ATE1: variants seen among roughly 807,000 people sequenced by gnomAD.
ATE1 encodes arginyl-tRNA--protein transferase 1.
Under a neutral mutation model 70.5 loss-of-function variants are expected in ATE1, and 36 were observed. The observed-to-expected ratio is 0.51, with a 90% CI of 0.39 to 0.67. The LOEUF (loss-of-function observed/expected upper bound fraction) is 0.67, where lower values mean the gene tolerates loss of function less well. Among genes scored for constraint, ATE1 ranks in the 30% least tolerant of loss-of-function variants. ATE1 has a pLI of 0.00. For synonymous variants in ATE1, 232 were observed against 219.3 expected, an observed-to-expected ratio of 1.06 and a Z score of -0.51; for missense variants, 593 against 629.5, an observed-to-expected ratio of 0.94 and a Z score of 0.62.
intron 11 of ATE1, among the ~76,000 whole-genome samples, chr10:121,786,468 A>G (rs2133235149): frequency 6.6e-6 from 1 of 152,190 alleles, no homozygotes; most frequent in African/African-American, 2.4e-5. Context: ...CAGGAGTTCA[A>G]GACAAGCCTA....
At chr10:121,787,441 T>A (rs1349291774) in intron 11 of ATE1, among the ~76,000 whole-genome samples, 1 of 152,216 alleles carries the variant, frequency 6.6e-6, no homozygotes, top group Admixed American at 6.5e-5. Context: ...TGCATTTTAA[T>A]TTCCTAAAAC....
intron 7 of ATE1, among the ~76,000 whole-genome samples, chr10:121,887,335 T>G (rs1396051900): frequency 1.3e-5 from 2 of 152,192 alleles, no homozygotes; most frequent in African/African-American, 4.8e-5. Context: ...ATAAGATAAC[T>G]ATCCTCAAAA....
In ATE1 at chr10:121,870,091, A is replaced by T. The variant is rs191693133; in HGVS notation, c.943-53T>A. ...TTCATCCAGTAAACAGACGGCAAAA[A>T]GGAACACAGAGAAAAAGAAAAAATT... is the stretch of plus-strand genomic sequence containing the variant. On this transcript the variant is annotated intron_variant, in intron 7 of 11. Coordinates refer to ENST00000224652, the MANE Select transcript of ATE1 (RefSeq NM_001001976.3). The T allele has an allele frequency of 6.5e-6, 10 of 1,537,022 alleles. No individual in the cohort carries two copies. In the East Asian group the frequency reaches 2.3e-4, roughly 35 times the overall value.
intron 7 of ATE1, among the ~76,000 whole-genome samples, chr10:121,898,612 T>A (rs1157160541): frequency 1.3e-5 from 2 of 152,162 alleles, no homozygotes; most frequent in Non-Finnish European, 2.9e-5. Context: ...ACTGACCTTA[T>A]AAACCACTAC....
chr10:121,863,530 C>T (rs1486345186), intron 8 of ATE1, among the ~76,000 whole-genome samples: 1 of 152,084 alleles, frequency 6.6e-6, no homozygotes, highest in African/African-American at 2.4e-5. Flanking sequence ...GGATTACAGG[C>T]GTGAGCCACA....
chr10:121,776,484 G>A (rs1945747934), intron 11 of ATE1, among the ~76,000 whole-genome samples: 1 of 152,180 alleles, frequency 6.6e-6, no homozygotes, highest in Admixed American at 6.5e-5. Context: ...AGCAATCACT[G>A]CTACCACTGC....
At position 121,744,516 on chromosome 10, in the gene ATE1, T is replaced by C. The variant is rs945585609; in HGVS notation, c.1379-658A>G. ...TCTCCGGCATCATTCCTGCATCTGA[T>C]TTAAGTCTGTTTTGCCTCTCCCTGT... On this transcript the variant is annotated intron_variant, in intron 11 of 11. Coordinates refer to ENST00000224652, the MANE Select transcript of ATE1 (RefSeq NM_001001976.3). Among the ~76,000 whole-genome samples the C allele has an allele frequency of 7.2e-5, 11 of 152,134 alleles. 1 individual carries two copies. The highest frequency in any genetic ancestry group is 2.7e-4 in the African/African-American group (11 of 41,424).
intron 7 of ATE1, among the ~76,000 whole-genome samples, chr10:121,876,700 C>T: frequency 6.6e-6 from 1 of 152,194 alleles, no homozygotes; most frequent in Non-Finnish European, 1.5e-5. Flanking sequence ...GGCGCGGTGG[C>T]TCACGCCTGT....
intron 11 of ATE1, among the ~76,000 whole-genome samples, chr10:121,757,404 T>G (rs1350574883): frequency 6.6e-6 from 1 of 152,228 alleles, no homozygotes; most frequent in Non-Finnish European, 1.5e-5. Context: ...CCAAAGTTGC[T>G]TCCACATTTT....
At chr10:121,748,962 C>A (rs904944397) in intron 11 of ATE1, among the ~76,000 whole-genome samples, 1 of 152,002 alleles carries the variant, frequency 6.6e-6, no homozygotes, top group African/African-American at 2.4e-5. Flanking sequence ...CTATCACCAA[C>A]ACACAGACTA....
intron 7 of ATE1, among the ~76,000 whole-genome samples, chr10:121,870,443 T>C (rs1554917297): frequency 4.0e-5 from 6 of 151,868 alleles, no homozygotes; most frequent in Non-Finnish European, 7.4e-5. Context: ...TATAAACCAA[T>C]GAGGAGACCA....
At chr10:121,927,778 G>A in intron 1 of ATE1, 66 bp downstream of exon 1, 1 of 1,500,292 alleles carries the variant, frequency 6.7e-7, no homozygotes, top group Non-Finnish European at 8.9e-7. Context: ...CGTCCTCGCT[G>A]GGGGACCCTG....
intron 8 of ATE1, among the ~76,000 whole-genome samples, chr10:121,862,899 G>A (rs1949526072): frequency 6.6e-6 from 1 of 151,784 alleles, no homozygotes; most frequent in African/African-American, 2.4e-5. Flanking sequence ...CCCCTTTCTA[G>A]AGATTTCTGA....
chr10:121,752,464 C>T (rs879730493), intron 11 of ATE1, among the ~76,000 whole-genome samples: 6 of 151,992 alleles, frequency 3.9e-5, no homozygotes, highest in Admixed American at 2.6e-4. Flanking sequence ...CTCCTGACCT[C>T]GTGATCTGCC....
intron 7 of ATE1, among the ~76,000 whole-genome samples, chr10:121,874,210 G>A (rs11200204): frequency 0.045 from 6,868 of 152,082 alleles, 210 homozygotes; most frequent in Admixed American, 0.078. Context: ...AGTCAGTTAC[G>A]ACTCTAAATT....
intron 7 of ATE1, among the ~76,000 whole-genome samples, chr10:121,884,807 A>G (rs1394197511): frequency 3.9e-5 from 6 of 152,194 alleles, no homozygotes; most frequent in African/African-American, 1.2e-4. Context: ...CTTTACTACT[A>G]TTAGTAATAA....
At chr10:121,824,373 C>T (rs1053170135) in intron 10 of ATE1, among the ~76,000 whole-genome samples, 4 of 152,144 alleles carry the variant, frequency 2.6e-5, no homozygotes, top group Non-Finnish European at 5.9e-5. Flanking sequence ...CATTTACCAA[C>T]GTGTTTGGTC....
rs1944229315 is a variant in ATE1, at chr10:121,743,833, A to G, written c.1404T>C (p.Pro468=). ...EAVDEDRSTE[P]DRLQVFHKRA... is the part of the protein sequence containing the mutation. Reference sequence around the variant, plus strand: ...TCTTGTGAAACACCTGCAATCGGTCAGGTTCCGTACTGCGATCCTCATCCA... The same window carrying G: ...TCTTGTGAAACACCTGCAATCGGTCGGGTTCCGTACTGCGATCCTCATCCA... The change falls in exon 12 of 12, where the codon CCT becomes CCC. Residue 468 remains proline (P), a synonymous_variant. Transcript: ENST00000224652. 1.9e-6 allele frequency: 3 copies of G among 1,613,262 alleles called. No individual in the cohort carries two copies. Among genetic ancestry groups the G allele is most frequent in the Non-Finnish European group, 2.5e-6 (3 of 1,179,774 alleles).
upstream of ATE1, chr10:121,928,384 G>C (rs941073245): frequency 2.6e-6 from 4 of 1,532,718 alleles, no homozygotes; most frequent in Non-Finnish European, 3.5e-6. Context: ...CGCAGTAGCC[G>C]CAGTGGTAGC....
Sources: allele counts gnomAD v4.1 joint callset (sites outside exome capture counted in the v4.1 genomes callset), GRCh38; gene constraint gnomAD v4.1.1; transcripts MANE v1.5; gene names NCBI Gene and HGNC (gene_info 2026-07-23, HGNC 2026-07-21).